Variants in OXR1 observed in about 807,000 individuals in gnomAD.
The protein encoded by OXR1 is oxidation resistance 1.
Under a neutral mutation model 104.6 loss-of-function variants are expected in OXR1, and 41 were observed. The ratio of observed to expected loss-of-function variants is 0.39; its 90% CI spans 0.31 to 0.51. The LOEUF is 0.51. OXR1 is among the 20% of genes least tolerant of loss of function. The pLI is 0.77. For synonymous variants in OXR1, 348 were observed against 348.4 expected (o/e 1.00, Z 0.01); for missense variants, 955 against 1,031.9 (o/e 0.93, Z 1.02).
chr8:106,436,104 G>T (rs2130575663), intron 2 of OXR1, among the ~76,000 whole-genome samples: 1 of 142,152 alleles, frequency 7.0e-6, no homozygotes, highest in African/African-American at 2.9e-5. Flanking sequence ...CTGTTTATAA[G>T]CCTTTCTTCA....
intron 3 of OXR1, among the ~76,000 whole-genome samples, chr8:106,543,733 T>C (rs1815135031): frequency 6.6e-6 from 1 of 152,198 alleles, no homozygotes; most frequent in Non-Finnish European, 1.5e-5. Context: ...AATGTCAATA[T>C]GGCAGGAAGC....
At chr8:106,362,662 G>C (rs1462069079) in intron 2 of OXR1, among the ~76,000 whole-genome samples, 1 of 152,188 alleles carries the variant, frequency 6.6e-6, no homozygotes, top group Non-Finnish European at 1.5e-5. Context: ...AGTAAATAAT[G>C]ATCAGAGAGA....
intron 3 of OXR1, among the ~76,000 whole-genome samples, chr8:106,553,929 T>G (rs1816068069): frequency 6.6e-6 from 1 of 152,212 alleles, no homozygotes; most frequent in South Asian, 2.1e-4. Flanking sequence ...GCAAAATGCC[T>G]AGCATGTAGT....
intron 11 of OXR1, among the ~76,000 whole-genome samples, chr8:106,728,310 T>C (rs2131504091): frequency 1.3e-5 from 2 of 152,124 alleles, no homozygotes; most frequent in Middle Eastern, 6.8e-3. Flanking sequence ...ATGTGTAGCT[T>C]TTTAGAATTC....
intron 2 of OXR1, among the ~76,000 whole-genome samples, chr8:106,493,568 T>G (rs1331595538): frequency 2.0e-5 from 3 of 152,054 alleles, no homozygotes; most frequent in Non-Finnish European, 2.9e-5. Context: ...TAACTAACAA[T>G]GTCGGGCCAC....
chr8:106,735,623 A>G (rs142853424), intron 11 of OXR1, among the ~76,000 whole-genome samples: 26 of 152,260 alleles, frequency 1.7e-4, no homozygotes, highest in African/African-American at 4.6e-4. Flanking sequence ...ATTTTTGACA[A>G]TCCTTGTCTA....
chr8:106,442,609 A>G (rs966116559), intron 2 of OXR1, among the ~76,000 whole-genome samples: 2 of 152,064 alleles, frequency 1.3e-5, no homozygotes, highest in Non-Finnish European at 2.9e-5. Context: ...TTACTGATCT[A>G]TTCAGGGATT....
chr8:106,576,450 T>G (rs1817838559), intron 3 of OXR1, among the ~76,000 whole-genome samples: 2 of 135,310 alleles, frequency 1.5e-5, no homozygotes, highest in Non-Finnish European at 3.1e-5. Context: ...GTGCTTATAA[T>G]GGTAGCACAG....
intron 3 of OXR1, among the ~76,000 whole-genome samples, chr8:106,606,699 T>C (rs895319199): frequency 6.6e-6 from 1 of 152,034 alleles, no homozygotes; most frequent in Non-Finnish European, 1.5e-5. Context: ...CCTGGATAAT[T>C]CAGTATAATT....
chr8:106,724,027 C>G (rs1045005696), intron 11 of OXR1, among the ~76,000 whole-genome samples: 4 of 151,836 alleles, frequency 2.6e-5, no homozygotes, highest in African/African-American at 9.7e-5. Flanking sequence ...CTCAAGTAAT[C>G]CTCCTGCCTC....
At chr8:106,304,627 G>A (rs1178416386) in intron 1 of OXR1, among the ~76,000 whole-genome samples, 1 of 151,948 alleles carries the variant, frequency 6.6e-6, no homozygotes, top group Non-Finnish European at 1.5e-5. Context: ...AATTTGTAAG[G>A]AATACAAAAA....
intron 2 of OXR1, among the ~76,000 whole-genome samples, chr8:106,500,183 G>A (rs956199921): frequency 6.6e-6 from 1 of 152,208 alleles, no homozygotes; most frequent in Non-Finnish European, 1.5e-5. Flanking sequence ...TTATACTGAA[G>A]GAAGAGAAAG....
chr8:106,459,505 A>G (rs1820791771), intron 2 of OXR1, among the ~76,000 whole-genome samples: 1 of 152,070 alleles, frequency 6.6e-6, no homozygotes, highest in African/African-American at 2.4e-5. Context: ...AGACAAGCGC[A>G]TTACCTATAC....
chr8:106,650,349 C>G (rs1824459015), intron 3 of OXR1, among the ~76,000 whole-genome samples: 1 of 152,214 alleles, frequency 6.6e-6, no homozygotes, highest in Non-Finnish European at 1.5e-5. Flanking sequence ...TGAAGTTAGA[C>G]TAAGGGCCCA....
chr8:106,282,268 G>T (rs1305030052), intron 1 of OXR1, among the ~76,000 whole-genome samples: 1 of 152,092 alleles, frequency 6.6e-6, no homozygotes, highest in East Asian at 1.9e-4. Context: ...TAAGTAATTA[G>T]CAGTACCTGT....
At chr8:106,570,525 A>G (rs1817397169) in intron 3 of OXR1, among the ~76,000 whole-genome samples, 1 of 152,218 alleles carries the variant, frequency 6.6e-6, no homozygotes, top group Admixed American at 6.5e-5. Context: ...TGATATAAAT[A>G]ATAAGAGAAG....
intron 2 of OXR1, among the ~76,000 whole-genome samples, chr8:106,461,689 C>G (rs1369434946): frequency 6.6e-6 from 1 of 152,096 alleles, no homozygotes; most frequent in Non-Finnish European, 1.5e-5. Flanking sequence ...TTCTCAGTTT[C>G]TTTATTTGTA....
chr8:106,706,440 A>G lies in OXR1; in HGVS notation c.919A>G (p.Asn307Asp). The G allele has an allele frequency of 6.3e-7, 1 of 1,598,848 alleles. No individual in the cohort carries two copies. Among genetic ancestry groups the G allele is most frequent in the Non-Finnish European group, 8.5e-7 (1 of 1,175,766 alleles). The change falls in exon 9 of 17, where the codon AAC becomes GAC. Residue 307 changes from asparagine to aspartate, a missense_variant. By Grantham distance (23) the Asn-to-Asp change is conservative. Coordinates refer to ENST00000517566, the MANE Select transcript of OXR1 (RefSeq NM_001198533.2). ...FCHSKKMTGS[N>D]TEEIDSRIRD... Reference sequence around the variant, plus strand: ...CCATTCAAAGAAAATGACAGGAAGTAACACTGAGGAAATAGACTCAAGAAT... The same window carrying G: ...CCATTCAAAGAAAATGACAGGAAGTGACACTGAGGAAATAGACTCAAGAAT...
At chr8:106,711,467 C>T (rs190131529) in intron 10 of OXR1, among the ~76,000 whole-genome samples, 132 of 152,238 alleles carry the variant, frequency 8.7e-4, no homozygotes, top group Middle Eastern at 3.4e-3. Context: ...CTCATTACAA[C>T]GTACTATATT....
Sources: allele counts gnomAD v4.1 joint callset (sites outside exome capture counted in the v4.1 genomes callset), GRCh38; gene constraint gnomAD v4.1.1; transcripts MANE v1.5; gene names NCBI Gene and HGNC (gene_info 2026-07-23, HGNC 2026-07-21).